Variants in CCDC47 observed in about 807,000 individuals in gnomAD.
The protein encoded by CCDC47 is coiled-coil domain containing 47, also known as PAT complex subunit CCDC47.
Under a neutral mutation model 60.5 loss-of-function variants are expected in CCDC47, and 41 were observed. The ratio of observed to expected loss-of-function variants is 0.68; its 90% confidence interval spans 0.53 to 0.88. CCDC47 has a LOEUF of 0.88. Among genes scored for constraint, CCDC47 ranks in the 40% least tolerant of loss-of-function variants. The pLI is 0.00. For missense variants in CCDC47, 513 were observed against 580.9 expected (o/e 0.88, Z 1.20); for synonymous variants, 195 against 190.7 (o/e 1.02, Z -0.18).
chr17:63,759,458 C>A (rs2039232312), intron 6 of CCDC47, among the ~76,000 whole-genome samples: 1 of 125,390 alleles, frequency 8.0e-6, no homozygotes, highest in Non-Finnish European at 1.7e-5. Flanking sequence ...CATTGCACTC[C>A]AGCCTGGGTG....
intron 1 of CCDC47, 114 bp downstream of exon 1, chr17:63,773,297 TC>T (rs1034075187): frequency 6.6e-6 from 1 of 152,270 alleles, no homozygotes; most frequent in Non-Finnish European, 1.5e-5. Flanking sequence ...GTGGGAAAGT[TC>T]CCCCAAACCA....
rs1568249044 is a variant in CCDC47, at chr17:63,759,508, AATATATATATATATATATTTAT to A, written c.735+1384_735+1405del. On this transcript the variant is annotated intron_variant, in intron 6 of 12. Coordinates refer to ENST00000225726, the MANE Select transcript of CCDC47 (RefSeq NM_020198.3). The stretch of plus-strand genomic sequence containing the variant: ...TGTCTCCCAAAAAAAAAAAAAAAAA[AATATATATATATATATATTTAT>A]ATATATATATATATATATATATATA... Among the ~76,000 whole-genome samples the A allele has an allele frequency of 4.6e-4, 9 of 19,648 alleles. 1 individual carries two copies. The highest frequency in any genetic ancestry group is 2.9e-3 in the African/African-American group (4 of 1,382). The allele number at this position is 19,648 out of a possible 152,430, so 12.9% of individuals were successfully genotyped here.
chr17:63,756,407 A>G, intron 7 of CCDC47, 57 bp from the exon 8 acceptor site: 1 of 1,576,056 alleles, frequency 6.3e-7, no homozygotes, highest in Non-Finnish European at 8.7e-7. Flanking sequence ...AATGAAGCTG[A>G]ATATGTGTGT....
At position 63,754,626 on chromosome 17, in the gene CCDC47, C is replaced by T. The variant is rs1016579760; in HGVS notation, c.949-108G>A. ...TGGTGCAACGGCTCACACCAGTAAT[C>T]CCCGCACTTTGGGAGGCAGGTGGAT... On this transcript the variant is annotated intron_variant, in intron 8 of 12. Coordinates refer to ENST00000225726, the MANE Select transcript of CCDC47 (RefSeq NM_020198.3). The T allele has an allele frequency of 1.7e-5, 11 of 649,122 alleles. No individual in the cohort carries two copies. The East Asian group carries it at 2.5e-4, about 15-fold the overall frequency. 40.2% of individuals were successfully genotyped at this position (649,122 alleles called of 1,614,324 possible). A position where few individuals can be genotyped will look rare whatever the true frequency, so the allele number is the denominator to read the frequency against.
Position 63,766,078 on chromosome 17 carries a change from T to C in CCDC47, c.98A>G (p.Glu33Gly). ...TTCAGCGAAGTCATTATCATCATAC[T>C]CTACTATGTCCTCCTCATCCTCAAA... Reference protein sequence around the residue: ...DDFEDEEDIVEYDDNDFAEFE... With the variant: ...DDFEDEEDIVGYDDNDFAEFE... The change falls in exon 2 of 13, where the codon GAG becomes GGG. Residue 33 changes from glutamate to glycine, a missense_variant. Physicochemically the swap from Glu to Gly is moderately conservative, Grantham distance 98. Coordinates refer to ENST00000225726, the MANE Select transcript of CCDC47 (RefSeq NM_020198.3). 6.2e-7 allele frequency: 1 copy of C among 1,614,060 alleles called. No homozygotes were observed. The highest frequency in any genetic ancestry group is 1.3e-5 in the African/African-American group (1 of 75,000).
chr17:63,747,503 A>G, intron 12 of CCDC47: 1 of 978,464 alleles, frequency 1.0e-6, no homozygotes. Context: ...TATCAAATTT[A>G]TCATATTTTT....
rs1905122164 is a variant in CCDC47 at position 63,756,323 on chromosome 17, A to C, written c.865T>G (p.Ser289Ala). 1 of 1,614,168 alleles carries C rather than the reference A, an allele frequency of 6.2e-7. No individual in the cohort carries two copies. Among genetic ancestry groups the C allele is most frequent in the African/African-American group, 1.3e-5 (1 of 75,062 alleles). Residue 289 changes from serine (S) to alanine (A), a missense_variant, in exon 8 of 13, where the codon TCT becomes GCT. Transcript: ENST00000225726. ...LSEFCSDKPK[S>A]GAKYGLPDSL... ...TCCGGCAGTCCATACTTTGCTCCAG[A>C]CTTAGGTTTATCACTACAAAACTCA...
rs369252898 is a variant in CCDC47 at position 63,746,813 on chromosome 17, C to T, written c.*68G>A. On this transcript the variant is annotated 3_prime_UTR_variant, in exon 13 of 13. Coordinates refer to ENST00000225726, the MANE Select transcript of CCDC47 (RefSeq NM_020198.3). ...AATTTAAGGTTGAGAAATGGACTGG[C>T]GTTTTTCATGTTTCCTGTGAATTCA... The T allele has an allele frequency of 5.2e-6, 6 of 1,149,652 alleles. No homozygotes were observed. The highest frequency in any genetic ancestry group is 4.7e-5 in the East Asian group (2 of 42,654). 71.2% of individuals were successfully genotyped at this position (1,149,652 alleles called of 1,614,324 possible).
chr17:63,767,779 C>A (rs1461026766), intron 1 of CCDC47, among the ~76,000 whole-genome samples: 4 of 152,066 alleles, frequency 2.6e-5, no homozygotes, highest in African/African-American at 9.7e-5. Context: ...TCAGGCTGAC[C>A]CAATCCCTGC....
In CCDC47 at chr17:63,761,480, G is replaced by C. The variant is rs547961310; in HGVS notation, c.548-129C>G. ...GTGGATCACGAGGTCAGGAGTTCGA[G>C]ACCAGCCTGGCCAGCATGGTGAAAC... On this transcript the variant is annotated intron_variant, in intron 4 of 12. Transcript: ENST00000225726. The C allele has an allele frequency of 3.6e-5, 27 of 758,298 alleles. No individual in the cohort carries two copies. In the South Asian group the frequency reaches 4.1e-4, roughly 12 times the overall value. The allele number at this position is 758,298 out of a possible 1,614,324, so 47.0% of individuals were successfully genotyped here. A position where few individuals can be genotyped will look rare whatever the true frequency, so the allele number is the denominator to read the frequency against.
At chr17:63,753,926 T>C (rs1267195754) in intron 9 of CCDC47, among the ~76,000 whole-genome samples, 1 of 151,958 alleles carries the variant, frequency 6.6e-6, no homozygotes, top group Non-Finnish European at 1.5e-5. Flanking sequence ...ACCAACATGG[T>C]GAAACCCCAT....
chr17:63,767,014 A>G (rs2039302919), intron 1 of CCDC47: 20 of 806,070 alleles, frequency 2.5e-5, no homozygotes, highest in Non-Finnish European at 2.9e-5. Flanking sequence ...AAGACTTTAC[A>G]AAAAGCAACT....
rs955171567 is a variant in CCDC47, at chr17:63,748,432, AT to A, written c.1372-1472del. Reference sequence around the variant, plus strand: ...CCGGCCTATCTTAGGTTTCTTTTCAATTTTTTTTTGAGGTGGAGTTTCGCTC... The same window carrying A: ...CCGGCCTATCTTAGGTTTCTTTTCAATTTTTTTTGAGGTGGAGTTTCGCTC... On this transcript the variant is annotated intron_variant, in intron 12 of 12. Transcript: ENST00000225726. Among the ~76,000 whole-genome samples, 33 of 149,632 alleles carry A rather than the reference AT, an allele frequency of 2.2e-4. 1 individual carries two copies. The highest frequency in any genetic ancestry group is 8.9e-5 in the Non-Finnish European group (6 of 67,184).
chr17:63,753,011 CT>C, intron 9 of CCDC47: 1 of 790,440 alleles, frequency 1.3e-6, no homozygotes. Context: ...GATCTTTATC[CT>C]ATATTTGAAC....
intron 8 of CCDC47, among the ~76,000 whole-genome samples, chr17:63,755,972 G>A (rs1181438129): frequency 1.3e-5 from 2 of 148,482 alleles, no homozygotes; most frequent in Non-Finnish European, 3.0e-5. Context: ...AAGATTAGAA[G>A]CTATATTCCT....
chr17:63,753,963 G>A (rs1347699953), intron 9 of CCDC47, among the ~76,000 whole-genome samples: 4 of 151,940 alleles, frequency 2.6e-5, no homozygotes, highest in Admixed American at 6.6e-5. Context: ...AAAATTAGCC[G>A]AGCGTGGTGG....
At chr17:63,762,351 C>T (rs371894515) in intron 4 of CCDC47, 6 of 569,786 alleles carry the variant, frequency 1.1e-5, no homozygotes, top group East Asian at 1.5e-4. Flanking sequence ...ATAGTGGAGA[C>T]GGGGTGGACT....
At chr17:63,753,994 T>C (rs1428899164) in intron 9 of CCDC47, among the ~76,000 whole-genome samples, 3 of 152,128 alleles carry the variant, frequency 2.0e-5, no homozygotes, top group Admixed American at 6.6e-5. Context: ...TAATCCCAGC[T>C]ACTCAGGAGG....
chr17:63,761,035 A>C, intron 5 of CCDC47, 56 bp from the exon 6 acceptor site: 1 of 1,488,182 alleles, frequency 6.7e-7, no homozygotes, highest in Non-Finnish European at 9.3e-7. Flanking sequence ...TTAGTATAAA[A>C]AAAAGGCCTT....
Sources: allele counts gnomAD v4.1 joint callset (sites outside exome capture counted in the v4.1 genomes callset), GRCh38; gene constraint gnomAD v4.1.1; transcripts MANE v1.5; gene names NCBI Gene and HGNC (gene_info 2026-07-23, HGNC 2026-07-21).